The following CHAF1A variants were observed in gnomAD, a reference collection of about 807,000 sequenced individuals.
CHAF1A encodes CAF-1 subunit A.
A neutral mutation model predicts 93.2 loss-of-function variants in CHAF1A; 5 were observed. The observed-to-expected ratio is 0.05, with a 90% CI of 0.03 to 0.11. The LOEUF (loss-of-function observed/expected upper bound fraction) is 0.11. CHAF1A is among the 10% of genes least tolerant of loss of function. The pLI is 1.00. For missense variants in CHAF1A, 1,102 were observed against 1,259.9 expected (o/e 0.87, Z 1.90); for synonymous variants, 504 against 510.3 (o/e 0.99, Z 0.17).
At chr19:4,448,312 G>A (rs748942813), downstream of CHAF1A, 24 of 1,599,878 alleles carry the variant, frequency 1.5e-5, no homozygotes, top group African/African-American at 8.0e-5. Flanking sequence ...GGGGCCACAC[G>A]CTCACTTGGC....
chr19:4,419,029 ATTTTTTTTT>A lies in CHAF1A; in HGVS notation c.1017+969_1017+977del, dbSNP rs11406470. ...AGGCACTTGCTGCCATAGCCAGCTA[ATTTTTTTTT>A]TTTTTTTTTTTTTTTGTATTTTAGT... On this transcript the variant is annotated intron_variant, in intron 4 of 14. Transcript: ENST00000301280. Among the ~76,000 whole-genome samples, 51 of 96,448 alleles carry A rather than the reference ATTTTTTTTT, an allele frequency of 5.3e-4. No individual in the cohort carries two copies. The East Asian group carries it at 0.012, about 23-fold the overall frequency. 63.3% of individuals were successfully genotyped at this position (96,448 alleles called of 152,430 possible). A position where few individuals can be genotyped will look rare whatever the true frequency, so the allele number is the denominator to read the frequency against.
chr19:4,426,379 A>G (rs1273016388), intron 7 of CHAF1A, among the ~76,000 whole-genome samples: 1 of 151,910 alleles, frequency 6.6e-6, no homozygotes, highest in Admixed American at 6.6e-5. Flanking sequence ...CGTGTTGGCC[A>G]GGATGGTCTC....
intron 3 of CHAF1A, among the ~76,000 whole-genome samples, chr19:4,410,905 TTGA>T (rs1414882170): frequency 6.6e-6 from 1 of 152,240 alleles, no homozygotes; most frequent in Non-Finnish European, 1.5e-5. Flanking sequence ...GTCTCTGTTA[TTGA>T]TTTTTTATTA....
At position 4,442,294 on chromosome 19, in the gene CHAF1A, A is replaced by G; in HGVS notation, c.2723A>G (p.Glu908Gly). 6.2e-7 allele frequency: 1 copy of G among 1,613,202 alleles called. No individual in the cohort carries two copies. The highest frequency in any genetic ancestry group is 8.5e-7 in the Non-Finnish European group (1 of 1,179,608). Reference protein sequence around the residue: ...DGFQADTEEEEEEEGDCMIVD... With the variant: ...DGFQADTEEEGEEEGDCMIVD... ...TTCCAGGCAGACACGGAGGAGGAGG[A>G]AGAGGAGGAGGGCGACTGTATGATC... The change falls in exon 14 of 15, where the codon GAA (glutamate) becomes GGA (glycine). Residue 908 changes from glutamate to glycine, a missense_variant. Transcript: ENST00000301280.
chr19:4,447,056 G>C, downstream of CHAF1A: 3 of 809,660 alleles, frequency 3.7e-6, no homozygotes, highest in Non-Finnish European at 4.0e-6. Flanking sequence ...CCCTGGGGGT[G>C]CCTCAGTGCT....
At chr19:4,436,362 C>T (rs1974283324) in intron 13 of CHAF1A, among the ~76,000 whole-genome samples, 1 of 152,174 alleles carries the variant, frequency 6.6e-6, no homozygotes, top group Admixed American at 6.5e-5. Flanking sequence ...GAGCCTCTGT[C>T]CCTGTACAGT....
chr19:4,435,124 G>GCTGTTGCC (rs1974260537), intron 13 of CHAF1A, among the ~76,000 whole-genome samples: 1 of 118,398 alleles, frequency 8.4e-6, no homozygotes, highest in African/African-American at 3.3e-5. Context: ...ACAGTCTCGC[G>GCTGTTGCC]CTGTTGCCCG....
intron 7 of CHAF1A, 71 bp from the exon 8 acceptor site, chr19:4,428,593 G>T (rs1384792254): frequency 6.7e-6 from 9 of 1,333,978 alleles, no homozygotes; most frequent in Non-Finnish European, 9.6e-6. Context: ...CCAGCACCCT[G>T]CTGTGTGCGT....
downstream of CHAF1A, chr19:4,447,502 C>A (rs1267265439): frequency 1.9e-6 from 3 of 1,605,158 alleles, no homozygotes; most frequent in Middle Eastern, 2.0e-4. Flanking sequence ...TGCAGGCCAG[C>A]TGCCCCCACC....
rs1599660008 is a variant in CHAF1A, at chr19:4,433,818, T to C, written c.2673+279T>C. ...GGTTTCACCATGTTGGTCAGGCTGG[T>C]CTCGAACTCCTGACCTCATGATCCG... is the stretch of plus-strand genomic sequence containing the variant. On this transcript the variant is annotated intron_variant, in intron 13 of 14. Coordinates refer to ENST00000301280, the MANE Select transcript of CHAF1A (RefSeq NM_005483.3). This position sits in a 1 kb window ranked among gnomAD's most constrained non-coding sequence, Gnocchi z 5.6. Among the ~76,000 whole-genome samples, 1 of 151,986 alleles carries C rather than the reference T, an allele frequency of 6.6e-6. No homozygotes were observed. Among genetic ancestry groups the C allele is most frequent in the Non-Finnish European group, 1.5e-5 (1 of 67,990 alleles).
Position 4,409,387 on chromosome 19 carries a change from A to C in CHAF1A, c.588A>C (p.Arg196Ser), listed in dbSNP as rs2145069943. 6.2e-7 allele frequency: 1 copy of C among 1,614,066 alleles called. No homozygotes were observed. The highest frequency in any genetic ancestry group is 2.2e-5 in the East Asian group (1 of 44,868). Residue 196 changes from arginine to serine, a missense_variant, in exon 3 of 15, where the codon AGA (arginine) becomes AGC (serine). Around this residue, in one of 6 missense-constraint regions of CHAF1A, gnomAD observed 379 missense variants for 365.7 expected, o/e 1.04. Coordinates refer to ENST00000301280, the MANE Select transcript of CHAF1A (RefSeq NM_005483.3). ...EGVGCGGAGR[R>S]GDSQECSPRS... ...TTGGCTGTGGAGGTGCAGGGAGGAGAGGCGACTCCCAGGAATGTTCGCCAC... is the reference window on the plus strand; with the variant it reads ...TTGGCTGTGGAGGTGCAGGGAGGAGCGGCGACTCCCAGGAATGTTCGCCAC...
At chr19:4,442,392 G>A (rs928121408) in intron 14 of CHAF1A, 51 bp downstream of exon 14, 1 of 1,433,618 alleles carries the variant, frequency 7.0e-7, no homozygotes, top group South Asian at 1.2e-5. Flanking sequence ...GGCGCTGGAG[G>A]TAAACCTCAA....
downstream of CHAF1A, chr19:4,447,249 C>G (rs1009789194): frequency 5.9e-5 from 34 of 572,412 alleles, no homozygotes; most frequent in Admixed American, 5.1e-4. Context: ...AACCAGACAT[C>G]TGGTTTGCAT....
intron 13 of CHAF1A, 148 bp from the exon 14 acceptor site, chr19:4,442,097 G>A: frequency 1.6e-6 from 1 of 640,514 alleles, no homozygotes; most frequent in Non-Finnish European, 2.8e-6. Flanking sequence ...TGGACAGTTT[G>A]TTACCAAATT....
At chr19:4,421,035 C>G (rs1973982210) in intron 4 of CHAF1A, among the ~76,000 whole-genome samples, 1 of 152,100 alleles carries the variant, frequency 6.6e-6, no homozygotes, top group African/African-American at 2.4e-5. Flanking sequence ...TGCACTCCCT[C>G]CAGCCTGGGC....
chr19:4,446,982 C>T (rs1434109227), downstream of CHAF1A: 2 of 1,534,504 alleles, frequency 1.3e-6, no homozygotes, highest in African/African-American at 1.4e-5. Context: ...GGCCACACCC[C>T]ACCCAGTCCA....
chr19:4,447,375 C>A, downstream of CHAF1A: 1 of 651,600 alleles, frequency 1.5e-6, no homozygotes, highest in South Asian at 1.8e-5. Flanking sequence ...GCATAAAAGT[C>A]TTGCTCTCCA....
chr19:4,427,766 T>G (rs1974111199), intron 7 of CHAF1A, among the ~76,000 whole-genome samples: 1 of 152,218 alleles, frequency 6.6e-6, no homozygotes, highest in Non-Finnish European at 1.5e-5. Context: ...TTTTTGTATT[T>G]TAGTAGAGAC....
downstream of CHAF1A, chr19:4,445,262 T>G: frequency 1.8e-6 from 1 of 555,978 alleles, no homozygotes; most frequent in Non-Finnish European, 3.1e-6. Flanking sequence ...GGGCTTAGAT[T>G]TGTTGGTGTC....
Sources: allele counts gnomAD v4.1 joint callset (sites outside exome capture counted in the v4.1 genomes callset), GRCh38; gene constraint gnomAD v4.1.1; regional missense constraint gnomAD v4.1.1; non-coding constraint Gnocchi (gnomAD v3.1); transcripts MANE v1.5; gene names NCBI Gene and HGNC (gene_info 2026-07-23, HGNC 2026-07-21).